ASPRV1: variants seen among roughly 807,000 people sequenced by gnomAD.
ASPRV1 encodes the protein aspartic peptidase retroviral like 1.
Under a neutral mutation model 11.0 loss-of-function variants are expected in ASPRV1, and 7 were observed. The ratio of observed to expected loss-of-function variants is 0.64; its 90% CI spans 0.36 to 1.20. The LOEUF (loss-of-function observed/expected upper bound fraction) is 1.20, where lower values mean the gene tolerates loss of function less well. Among genes scored for constraint, ASPRV1 ranks in the 50% most tolerant of loss-of-function variants. The probability of loss-of-function intolerance (pLI) is 0.02; values close to 1 mark genes in which losing one functional copy is unlikely to be tolerated. For missense variants in ASPRV1, 299 were observed against 320.0 expected, an observed-to-expected ratio of 0.93 and a Z score of 0.50; for synonymous variants, 136 against 138.4, an observed-to-expected ratio of 0.98 and a Z score of 0.12.
chr2:69,990,308 C>T, the ASPRV1 span, among the ~76,000 whole-genome samples: 27 of 152,186 alleles, frequency 1.8e-4, no homozygotes, highest in Non-Finnish European at 3.1e-4. Context: ...CTCAGCCTCC[C>T]GAGTAGCTGG....
chr2:69,935,245 A>G, the ASPRV1 span: 2 of 751,462 alleles, frequency 2.7e-6, no homozygotes, highest in East Asian at 2.7e-5. Flanking sequence ...AGCATTTGCC[A>G]TCGCAAGGCC....
At chr2:70,014,071 T>C in the ASPRV1 span, among the ~76,000 whole-genome samples, 2 of 152,188 alleles carry the variant, frequency 1.3e-5, no homozygotes, top group African/African-American at 2.4e-5. Flanking sequence ...TCTATAATTT[T>C]TAAGAGTGTA....
the ASPRV1 span, among the ~76,000 whole-genome samples, chr2:70,033,432 T>C: frequency 1.3e-5 from 2 of 152,114 alleles, no homozygotes; most frequent in Non-Finnish European, 2.9e-5. Flanking sequence ...GCTTCTCACA[T>C]TGTGTTTGTG....
the ASPRV1 span, chr2:69,988,514 A>C: frequency 3.2e-6 from 1 of 313,242 alleles, no homozygotes; most frequent in South Asian, 2.7e-5. Flanking sequence ...AGCTGCAGGG[A>C]GGGAAATGTT....
upstream of ASPRV1, chr2:69,962,612 T>C (rs896365322): frequency 1.3e-5 from 2 of 154,212 alleles, no homozygotes; most frequent in Non-Finnish European, 2.9e-5. Flanking sequence ...TCCAGTCGTC[T>C]ACAGAGGACA....
At chr2:70,006,140 C>T in the ASPRV1 span, among the ~76,000 whole-genome samples, 1 of 152,198 alleles carries the variant, frequency 6.6e-6, no homozygotes, top group Admixed American at 6.5e-5. Context: ...CACACATACA[C>T]CCCAAGTTGT....
the ASPRV1 span, among the ~76,000 whole-genome samples, chr2:70,062,673 T>C: frequency 2.6e-5 from 4 of 152,174 alleles, no homozygotes; most frequent in African/African-American, 9.7e-5. Flanking sequence ...CACACCTATA[T>C]CCCGGCAACT....
At chr2:69,967,006 G>A in the ASPRV1 span, among the ~76,000 whole-genome samples, 58 of 152,266 alleles carry the variant, frequency 3.8e-4, no homozygotes, top group African/African-American at 1.4e-3. Flanking sequence ...GTGGCTGGGC[G>A]CACCATCCAC....
chr2:69,987,006 G>A, the ASPRV1 span, among the ~76,000 whole-genome samples: 1 of 152,190 alleles, frequency 6.6e-6, no homozygotes, highest in African/African-American at 2.4e-5. Context: ...AAGCCCTGCA[G>A]AGGATGTGCA....
the ASPRV1 span, chr2:69,975,769 G>C: frequency 6.6e-6 from 1 of 152,314 alleles, no homozygotes; most frequent in Admixed American, 6.5e-5. Flanking sequence ...AGGCCAGGCA[G>C]AGCTGCTTGT....
chr2:70,058,520 G>A, the ASPRV1 span, among the ~76,000 whole-genome samples: 1 of 151,904 alleles, frequency 6.6e-6, no homozygotes, highest in African/African-American at 2.4e-5. Context: ...ACAATTACAG[G>A]TGTAAACCAC....
At chr2:70,028,009 C>T in the ASPRV1 span, among the ~76,000 whole-genome samples, 3 of 152,172 alleles carry the variant, frequency 2.0e-5, no homozygotes, top group Non-Finnish European at 4.4e-5. Flanking sequence ...ACATCATGGG[C>T]ACTTCCCAGT....
chr2:70,039,302 T>C, the ASPRV1 span, among the ~76,000 whole-genome samples: 21 of 152,336 alleles, frequency 1.4e-4, no homozygotes, highest in East Asian at 2.5e-3. Context: ...ATCTGTATCA[T>C]TGTGGATGGA....
chr2:69,948,083 CA>C, the ASPRV1 span, among the ~76,000 whole-genome samples: 772 of 137,674 alleles, frequency 5.6e-3, 3 homozygotes, highest in Non-Finnish European at 6.0e-3. Flanking sequence ...CCCCGTCTCT[CA>C]AAAAAAAAAA....
chr2:70,047,107 A>G, the ASPRV1 span, among the ~76,000 whole-genome samples: 1 of 152,198 alleles, frequency 6.6e-6, no homozygotes, highest in Non-Finnish European at 1.5e-5. Context: ...CATTCAATAA[A>G]TATTTCTTGA....
chr2:70,038,679 T>C, the ASPRV1 span, among the ~76,000 whole-genome samples: 136 of 151,430 alleles, frequency 9.0e-4, no homozygotes, highest in African/African-American at 3.2e-3. Flanking sequence ...GGAGGAAGAG[T>C]TTGAGAGAGT....
chr2:70,074,294 C>CT, the ASPRV1 span, among the ~76,000 whole-genome samples: 867 of 143,460 alleles, frequency 6.0e-3, 7 homozygotes, highest in African/African-American at 0.02. Context: ...AGAGCAACTG[C>CT]TTTTTTTTTT....
At chr2:70,021,600 G>T in the ASPRV1 span, among the ~76,000 whole-genome samples, 135 of 151,964 alleles carry the variant, frequency 8.9e-4, no homozygotes, top group African/African-American at 3.1e-3. Context: ...TTACAGGTGT[G>T]AGCCACCACG....
At chr2:69,972,583 C>G in the ASPRV1 span, among the ~76,000 whole-genome samples, 2 of 152,146 alleles carry the variant, frequency 1.3e-5, no homozygotes, top group South Asian at 4.1e-4. Flanking sequence ...ATCTGGAACT[C>G]CTGACCTCAG....
Sources: allele counts gnomAD v4.1 joint callset (sites outside exome capture counted in the v4.1 genomes callset), GRCh38; gene constraint gnomAD v4.1.1; transcripts MANE v1.5; gene names NCBI Gene and HGNC (gene_info 2026-07-23, HGNC 2026-07-21).